KHDC1: variants seen among roughly 807,000 people sequenced by gnomAD.
KHDC1 encodes KH domain containing 1.
In KHDC1, 21 loss-of-function variants were observed where a neutral mutation model predicts 24.7. That is an observed-to-expected ratio of 0.85 (90% CI 0.60 to 1.23). The LOEUF (loss-of-function observed/expected upper bound fraction) is 1.23, where lower values mean the gene tolerates loss of function less well. KHDC1 is among the 50% of genes most tolerant of loss of function. The pLI is 0.00. For missense variants in KHDC1, 274 were observed against 298.5 expected, an observed-to-expected ratio of 0.92 and a Z score of 0.61; for synonymous variants, 98 against 111.7, an observed-to-expected ratio of 0.88 and a Z score of 0.77.
intron 2 of KHDC1, chr6:73,290,881 T>G (rs947753): frequency 0.069 from 24,715 of 358,976 alleles, 978 homozygotes; most frequent in East Asian, 0.12. Context: ...GCTATGTGGA[T>G]ATTGTCATCC....
chr6:73,292,721 G>A, intron 1 of KHDC1: 1 of 744,172 alleles, frequency 1.3e-6, no homozygotes, highest in Non-Finnish European at 2.5e-6. Context: ...TTTGACTACA[G>A]CAGTCATAGC....
chr6:73,285,982 T>A (rs573564431), intron 2 of KHDC1, among the ~76,000 whole-genome samples: 10 of 152,286 alleles, frequency 6.6e-5, no homozygotes, highest in African/African-American at 2.4e-4. Context: ...CCAAAGCACA[T>A]TTCCTATAAA....
At chr6:73,244,269 G>T (rs1315270604) in intron 2 of KHDC1, among the ~76,000 whole-genome samples, 1 of 152,150 alleles carries the variant, frequency 6.6e-6, no homozygotes, top group African/African-American at 2.4e-5. Flanking sequence ...AAGGGGTATG[G>T]GGTGTATAAG....
At chr6:73,249,638 C>T (rs1189871566) in intron 2 of KHDC1, among the ~76,000 whole-genome samples, 1 of 152,218 alleles carries the variant, frequency 6.6e-6, no homozygotes, top group African/African-American at 2.4e-5. Flanking sequence ...CCCTGGTGCT[C>T]TTAGCTTTGC....
At chr6:73,263,648 C>T (rs1419533449) in intron 2 of KHDC1, among the ~76,000 whole-genome samples, 1 of 151,310 alleles carries the variant, frequency 6.6e-6, no homozygotes, top group East Asian at 2.0e-4. Flanking sequence ...CTCTGCAGGG[C>T]ACTTAAAATG....
At chr6:73,267,262 C>T (rs568333876) in intron 2 of KHDC1, among the ~76,000 whole-genome samples, 2 of 152,190 alleles carry the variant, frequency 1.3e-5, no homozygotes, top group Middle Eastern at 3.4e-3. Context: ...GGTGGATCAC[C>T]TAAGGTCAGG....
intron 2 of KHDC1, among the ~76,000 whole-genome samples, chr6:73,264,684 G>A (rs527980643): frequency 6.6e-6 from 1 of 152,326 alleles, no homozygotes; most frequent in South Asian, 2.1e-4. Flanking sequence ...TAGTCATGTG[G>A]TATCATAGGC....
At chr6:73,243,445 T>C (rs191913546) in intron 2 of KHDC1, among the ~76,000 whole-genome samples, 1 of 152,332 alleles carries the variant, frequency 6.6e-6, no homozygotes, top group East Asian at 1.9e-4. Flanking sequence ...AATCCACTTG[T>C]CACAAGTTTA....
chr6:73,293,395 T>C (rs78834334), intron 1 of KHDC1: 6,096 of 390,208 alleles, frequency 0.016, 333 homozygotes, highest in African/African-American at 0.12. Context: ...TTGTGAAGAA[T>C]TGGAATAAAA....
At chr6:73,290,031 C>T (rs1194748035) in intron 2 of KHDC1, among the ~76,000 whole-genome samples, 3 of 141,236 alleles carry the variant, frequency 2.1e-5, no homozygotes, top group African/African-American at 7.9e-5. Flanking sequence ...ACCCGGGAAG[C>T]GGAGCTTGCA....
chr6:73,255,590 T>C (rs1463725728), intron 2 of KHDC1, among the ~76,000 whole-genome samples: 1 of 150,148 alleles, frequency 6.7e-6, no homozygotes, highest in Non-Finnish European at 1.5e-5. Flanking sequence ...GTGGGATCAT[T>C]GCTTGCGGTC....
exon 5 of KHDC1, chr6:73,241,607 C>T: frequency 6.2e-7 from 1 of 1,614,202 alleles, no homozygotes; most frequent in Non-Finnish European, 8.5e-7. Context: ...CGCTAAGACA[C>T]ACGGTTCCAC....
intron 2 of KHDC1, among the ~76,000 whole-genome samples, chr6:73,247,867 A>G (rs113523312): frequency 1.3e-4 from 19 of 151,584 alleles, no homozygotes; most frequent in Non-Finnish European, 2.5e-4. Flanking sequence ...AAAAAAAAAA[A>G]AAAAAAAGAG....
chr6:73,281,475 G>A (rs1436590951), intron 2 of KHDC1, among the ~76,000 whole-genome samples: 2 of 152,054 alleles, frequency 1.3e-5, no homozygotes, highest in East Asian at 3.9e-4. Flanking sequence ...AAATCAGCCA[G>A]GCGTGGTGAT....
chr6:73,248,322 CCT>C (rs1554224107), intron 2 of KHDC1, among the ~76,000 whole-genome samples: 3 of 152,054 alleles, frequency 2.0e-5, no homozygotes, highest in Non-Finnish European at 2.9e-5. Flanking sequence ...TCCCCTCTCT[CCT>C]CTGTCTTCTA....
intron 2 of KHDC1, among the ~76,000 whole-genome samples, chr6:73,280,376 TG>T (rs1396136791): frequency 6.6e-6 from 1 of 151,754 alleles, no homozygotes; most frequent in African/African-American, 2.4e-5. Context: ...TTGTCCAGGC[TG>T]GTCTCGAACT....
At position 73,241,471 on chromosome 6, in the gene KHDC1, A is replaced by C. The variant is rs1766564036; in HGVS notation, c.*58T>G. ...AGTGTCTATCATGTCTTTCTCACCA[A>C]AAGTGAAGCCAAGATTTCTCCTCTC... is the stretch of plus-strand genomic sequence containing the variant. On this transcript the variant is annotated 3_prime_UTR_variant, in exon 5 of 5. Coordinates refer to ENST00000370384, the Ensembl canonical transcript of KHDC1. 1.9e-6 allele frequency: 3 copies of C among 1,552,568 alleles called. No homozygotes were observed. In the East Asian group the frequency reaches 6.7e-5, roughly 35 times the overall value.
intron 1 of KHDC1, among the ~76,000 whole-genome samples, chr6:73,304,377 T>C (rs182624009): frequency 9.2e-5 from 14 of 152,308 alleles, no homozygotes; most frequent in African/African-American, 3.4e-4. Flanking sequence ...TATACATACA[T>C]ATAAAATATG....
chr6:73,306,915 A>G (rs761720418), intron 1 of KHDC1, among the ~76,000 whole-genome samples: 34 of 152,144 alleles, frequency 2.2e-4, no homozygotes, highest in Non-Finnish European at 4.1e-4. Flanking sequence ...AGACTGAGGC[A>G]GGAGAATCGC....
Sources: gnomAD v4.1 joint callset for allele counts (sites outside exome capture counted in the v4.1 genomes callset) on GRCh38, gnomAD v4.1.1 for gene constraint, MANE v1.5 for transcripts, NCBI Gene and HGNC (gene_info 2026-07-23, HGNC 2026-07-21) for gene names.